Variants in REV3L observed in about 807,000 individuals in gnomAD.
The protein encoded by REV3L is REV3 like, DNA directed polymerase zeta catalytic subunit.
Under a neutral mutation model 299.4 loss-of-function variants are expected in REV3L, and 69 were observed. That is an observed-to-expected ratio of 0.23 (90% CI 0.19 to 0.28). The LOEUF is 0.28. Among genes scored for constraint, REV3L ranks in the 10% least tolerant of loss-of-function variants. The probability of loss-of-function intolerance (pLI) is 1.00; values close to 1 mark genes in which losing one functional copy is unlikely to be tolerated. For missense variants in REV3L, 3,128 were observed against 3,693.8 expected (o/e 0.85, Z 3.97); for synonymous variants, 1,238 against 1,271.4 (o/e 0.97, Z 0.56).
chr6:111,348,716 C>A (rs1777269100), intron 20 of REV3L, among the ~76,000 whole-genome samples: 1 of 152,186 alleles, frequency 6.6e-6, no homozygotes, highest in African/African-American at 2.4e-5. Flanking sequence ...GTGGCACAAT[C>A]ACAGCTCACC....
In REV3L at chr6:111,343,941, T is replaced by G. The variant is rs764598970; in HGVS notation, c.7522A>C (p.Lys2508Gln). The change falls in exon 21 of 32, where the codon AAG (lysine) becomes CAG (glutamine). Residue 2508 changes from lysine (K) to glutamine (Q), a missense_variant. By Grantham distance (53) the Lys-to-Gln change is moderately conservative. Around this residue, in one of 9 missense-constraint regions of REV3L, gnomAD observed 149 missense variants for 286.4 expected, o/e 0.52. Coordinates refer to ENST00000368802, the MANE Select transcript of REV3L (RefSeq NM_001372078.1). The part of the protein sequence containing the change: ...FRVLSDWFDN[K>Q]TDLYRWKMVD... ...GAACAGTACCTGTATAGATCTGTCT[T>G]GTTATCAAACCAGTCTGACAAGACT... The G allele has an allele frequency of 6.2e-7, 1 of 1,603,346 alleles. No individual in the cohort carries two copies. Among genetic ancestry groups the G allele is most frequent in the South Asian group, 1.1e-5 (1 of 90,052 alleles).
At chr6:111,333,823 T>G (rs1191917003) in intron 22 of REV3L, among the ~76,000 whole-genome samples, 5 of 152,210 alleles carry the variant, frequency 3.3e-5, no homozygotes, top group Non-Finnish European at 7.3e-5. Flanking sequence ...AAGGGATATA[T>G]GTAAATCCTT....
At chr6:111,303,722 T>A (rs1265732536) in intron 31 of REV3L, among the ~76,000 whole-genome samples, 2 of 98,312 alleles carry the variant, frequency 2.0e-5, no homozygotes, top group Non-Finnish European at 4.4e-5. Flanking sequence ...TTTTTTTTTT[T>A]TTTTTTTTTT....
chr6:111,376,476 A>T lies in REV3L; in HGVS notation c.1879T>A (p.Tyr627Asn). 1.2e-6 allele frequency: 2 copies of T among 1,613,672 alleles called. No individual in the cohort carries two copies. The highest frequency in any genetic ancestry group is 1.7e-6 in the Non-Finnish European group (2 of 1,179,844). ...ACAGTACTGCTTAAAGATCCAGGGTATTTCATAGAATAAGTGCTTTCGTTT... is the reference window on the plus strand; with the variant it reads ...ACAGTACTGCTTAAAGATCCAGGGTTTTTCATAGAATAAGTGCTTTCGTTT... ...FTNESTYSMK[Y>N]PGSLSSTVHS... The change falls in exon 13 of 32, where the codon TAC becomes AAC. Residue 627 changes from tyrosine to asparagine, a missense_variant. Physicochemically the swap from Tyr to Asn is moderately radical, Grantham distance 143. Around this residue, in one of 9 missense-constraint regions of REV3L, gnomAD observed 2,409 missense variants for 2,611.8 expected, o/e 0.92. Coordinates refer to ENST00000368802, the MANE Select transcript of REV3L (RefSeq NM_001372078.1).
intron 4 of REV3L, among the ~76,000 whole-genome samples, chr6:111,400,372 T>C (rs899456859): frequency 1.3e-5 from 2 of 152,256 alleles, no homozygotes; most frequent in Non-Finnish European, 2.9e-5. Flanking sequence ...GCGCTGCTGT[T>C]CCACCTCTTG....
chr6:111,312,414 G>A (rs1364934101), intron 28 of REV3L: 1 of 152,032 alleles, frequency 6.6e-6, no homozygotes. Flanking sequence ...AAGGAGTCTA[G>A]GCCCGAATAA....
intron 1 of REV3L, among the ~76,000 whole-genome samples, chr6:111,466,196 TG>T (rs1791495104): frequency 6.6e-6 from 1 of 152,190 alleles, no homozygotes. Flanking sequence ...AAAGAAGTAT[TG>T]GGAAAAAAAC....
At chr6:111,398,048 C>T (rs1455931701) in intron 4 of REV3L, among the ~76,000 whole-genome samples, 2 of 141,952 alleles carry the variant, frequency 1.4e-5, no homozygotes, top group Non-Finnish European at 3.1e-5. Context: ...TTGGGGACTT[C>T]AACACCCCAC....
At chr6:111,349,645 C>A (rs1777395361) in intron 19 of REV3L, among the ~76,000 whole-genome samples, 2 of 152,274 alleles carry the variant, frequency 1.3e-5, no homozygotes, top group Admixed American at 1.3e-4. Flanking sequence ...TAGCACACTA[C>A]AGCCTCAAAC....
At chr6:111,483,233 G>T, upstream of REV3L, 1 of 483,298 alleles carries the variant, frequency 2.1e-6, no homozygotes, top group Non-Finnish European at 3.6e-6. Flanking sequence ...GCAACCACTG[G>T]GGGGAGGGGA....
intron 1 of REV3L, among the ~76,000 whole-genome samples, chr6:111,454,104 CTTT>C (rs77126470): frequency 7.0e-6 from 1 of 143,350 alleles, no homozygotes; most frequent in African/African-American, 2.5e-5. Context: ...TAATTTCAAA[CTTT>C]TTTTTTTTTT....
In REV3L at chr6:111,417,548, C is replaced by T. The variant is rs549125862; in HGVS notation, c.140-1076G>A. Among the ~76,000 whole-genome samples the T allele has an allele frequency of 2.6e-5, 4 of 152,266 alleles. No homozygotes were observed. In the East Asian group the frequency reaches 5.8e-4, roughly 22 times the overall value. On this transcript the variant is annotated intron_variant, in intron 1 of 31. Coordinates refer to ENST00000368802, the MANE Select transcript of REV3L (RefSeq NM_001372078.1). ...TCAGGCTTCTTCCCCACCCCTTATC[C>T]CTCCTCACTCTGCTTCACTGGGCCT...
chr6:111,420,571 A>T (rs1785225493), intron 1 of REV3L, among the ~76,000 whole-genome samples: 1 of 152,222 alleles, frequency 6.6e-6, no homozygotes, highest in Non-Finnish European at 1.5e-5. Flanking sequence ...CAACAAGTCC[A>T]AGAGAAATAA....
intron 4 of REV3L, among the ~76,000 whole-genome samples, chr6:111,393,600 G>A (rs17539406): frequency 0.028 from 4,336 of 152,180 alleles, 73 homozygotes; most frequent in South Asian, 0.078. Context: ...AACTTATTTC[G>A]TCTAATTGTA....
At chr6:111,461,387 A>G (rs1421226680) in intron 1 of REV3L, among the ~76,000 whole-genome samples, 1 of 152,156 alleles carries the variant, frequency 6.6e-6, no homozygotes, top group African/African-American at 2.4e-5. Context: ...ACAGCTGTAC[A>G]ATGTATTTGT....
intron 1 of REV3L, among the ~76,000 whole-genome samples, chr6:111,421,308 C>T (rs80011225): frequency 0.016 from 2,449 of 152,128 alleles, 50 homozygotes; most frequent in Admixed American, 0.059. Flanking sequence ...GATTCAGTTT[C>T]GATAAACACA....
chr6:111,403,932 G>A (rs1562260161), intron 4 of REV3L, among the ~76,000 whole-genome samples: 1 of 152,208 alleles, frequency 6.6e-6, no homozygotes, highest in Non-Finnish European at 1.5e-5. Flanking sequence ...ATGAGAAAGT[G>A]AAATAGCCTT....
chr6:111,347,429 C>T (rs1777144829), intron 20 of REV3L, among the ~76,000 whole-genome samples: 1 of 151,812 alleles, frequency 6.6e-6, no homozygotes, highest in Non-Finnish European at 1.5e-5. Flanking sequence ...AACAACACAA[C>T]AAGATAAAAT....
intron 3 of REV3L, among the ~76,000 whole-genome samples, chr6:111,406,984 A>G (rs990734608): frequency 2.0e-5 from 3 of 152,214 alleles, no homozygotes; most frequent in African/African-American, 7.2e-5. Flanking sequence ...TTAGATTTAA[A>G]AATCACACAA....
Sources: allele counts gnomAD v4.1 joint callset (sites outside exome capture counted in the v4.1 genomes callset), GRCh38; gene constraint gnomAD v4.1.1; regional missense constraint gnomAD v4.1.1; transcripts MANE v1.5; gene names NCBI Gene and HGNC (gene_info 2026-07-23, HGNC 2026-07-21).